The following GPHN variants were observed in gnomAD, a reference collection of about 807,000 sequenced individuals.
GPHN encodes the protein gephyrin.
GPHN carries 17 observed loss-of-function variants against 95.5 expected under a neutral mutation model. The ratio of observed to expected loss-of-function variants is 0.18; its 90% CI spans 0.12 to 0.27. The LOEUF is 0.27. GPHN is among the 10% of genes least tolerant of loss of function. The probability of loss-of-function intolerance (pLI) is 1.00; values close to 1 mark genes in which losing one functional copy is unlikely to be tolerated. For missense variants in GPHN, 660 were observed against 978.1 expected (o/e 0.67, Z 4.34); for synonymous variants, 320 against 322.5 (o/e 0.99, Z 0.08).
At chr14:67,226,360 T>G in the GPHN span, among the ~76,000 whole-genome samples, 2 of 151,198 alleles carry the variant, frequency 1.3e-5, no homozygotes, top group South Asian at 4.2e-4. Flanking sequence ...ACCAGCTAGT[T>G]TTTTTTGTTT....
chr14:67,013,335 G>T (rs995056487), intron 9 of GPHN, among the ~76,000 whole-genome samples: 2 of 151,934 alleles, frequency 1.3e-5, no homozygotes, highest in African/African-American at 2.4e-5. Flanking sequence ...AGCTTTAACC[G>T]ATCTAATTAG....
At chr14:67,294,438 C>T in the GPHN span, 3 of 151,954 alleles carry the variant, frequency 2.0e-5, no homozygotes, top group East Asian at 5.8e-4. Context: ...TCCAACTCCC[C>T]TGTTTCACAT....
chr14:66,812,783 A>G lies in GPHN; in HGVS notation c.202-11691A>G, dbSNP rs186335712. On this transcript the variant is annotated intron_variant, in intron 3 of 22. Transcript: ENST00000478722. Reference sequence around the variant, plus strand: ...ATTGGCTTTCAAACCAACAAAATTTATTCCTACTTATTTGTGTTTGGGAAG... The same window carrying G: ...ATTGGCTTTCAAACCAACAAAATTTGTTCCTACTTATTTGTGTTTGGGAAG... Among the ~76,000 whole-genome samples the G allele has an allele frequency of 3.9e-4, 60 of 152,316 alleles. 1 individual carries two copies. Among genetic ancestry groups the G allele is most frequent in the African/African-American group, 1.4e-3 (60 of 41,572 alleles).
At chr14:67,671,832 G>T in the GPHN span, among the ~76,000 whole-genome samples, 1 of 152,184 alleles carries the variant, frequency 6.6e-6, no homozygotes, top group African/African-American at 2.4e-5. Context: ...AGGCAAGCAA[G>T]AGAGGGCTGA....
the GPHN span, among the ~76,000 whole-genome samples, chr14:67,450,768 G>C: frequency 6.6e-6 from 1 of 152,196 alleles, no homozygotes; most frequent in African/African-American, 2.4e-5. Context: ...CTGACAATGC[G>C]ATAGAAAAGA....
intron 1 of GPHN, chr14:66,509,237 C>G (rs1019618342): frequency 6.5e-6 from 1 of 152,888 alleles, no homozygotes; most frequent in African/African-American, 2.4e-5. Flanking sequence ...TTCTGCCTTT[C>G]CGCGCAAAAG....
chr14:67,285,492 G>A, the GPHN span, among the ~76,000 whole-genome samples: 15 of 151,072 alleles, frequency 9.9e-5, no homozygotes, highest in South Asian at 6.3e-4. Context: ...TCAGCCTCCC[G>A]AGTAGCTGAG....
intron 17 of GPHN, among the ~76,000 whole-genome samples, chr14:67,141,933 C>T (rs1174591774): frequency 6.6e-6 from 1 of 152,230 alleles, no homozygotes; most frequent in African/African-American, 2.4e-5. Context: ...TTTGTGAGAA[C>T]ATATGCTGTC....
intron 1 of GPHN, among the ~76,000 whole-genome samples, chr14:66,608,623 CT>C (rs2062647941): frequency 6.6e-6 from 1 of 152,040 alleles, no homozygotes; most frequent in Admixed American, 6.6e-5. Context: ...CTATTGAGGT[CT>C]TTTTCTAGGT....
At chr14:67,709,971 C>A in the GPHN span, among the ~76,000 whole-genome samples, 3 of 152,190 alleles carry the variant, frequency 2.0e-5, no homozygotes, top group African/African-American at 7.2e-5. Flanking sequence ...AATTTGCCTC[C>A]TTTGGAAAGG....
chr14:66,696,946 A>C (rs1040801129), intron 2 of GPHN, among the ~76,000 whole-genome samples: 2 of 152,174 alleles, frequency 1.3e-5, no homozygotes, highest in African/African-American at 4.8e-5. Context: ...TCACTTTTTA[A>C]AAAAGTCTGA....
the GPHN span, among the ~76,000 whole-genome samples, chr14:67,283,553 G>A: frequency 6.6e-6 from 1 of 152,096 alleles, no homozygotes; most frequent in South Asian, 2.1e-4. Flanking sequence ...TTTAGCTATT[G>A]TTACAGATAT....
chr14:67,635,506 T>A, the GPHN span, among the ~76,000 whole-genome samples: 1 of 152,344 alleles, frequency 6.6e-6, no homozygotes, highest in Admixed American at 6.5e-5. Context: ...TTTAATAAGC[T>A]AGTATTTCAA....
chr14:66,571,413 A>G (rs1010849851), intron 1 of GPHN, among the ~76,000 whole-genome samples: 2 of 152,168 alleles, frequency 1.3e-5, no homozygotes, highest in African/African-American at 4.8e-5. Flanking sequence ...TATGGTTTGC[A>G]ATAATTTTCT....
chr14:67,730,098 A>G, the GPHN span, among the ~76,000 whole-genome samples: 1 of 152,288 alleles, frequency 6.6e-6, no homozygotes, highest in South Asian at 2.1e-4. Flanking sequence ...TGTGTTTGGT[A>G]CTCAGTTCTG....
intron 9 of GPHN, among the ~76,000 whole-genome samples, chr14:67,003,563 T>C (rs8016391): frequency 0.28 from 42,968 of 151,492 alleles, 10,721 homozygotes; most frequent in African/African-American, 0.65. Flanking sequence ...ACAGTACTCA[T>C]TGTAGTGGAA....
the GPHN span, among the ~76,000 whole-genome samples, chr14:67,193,223 TATATCTCTATATA>T: frequency 7.2e-6 from 1 of 139,608 alleles, no homozygotes; most frequent in African/African-American, 2.6e-5. Context: ...CATCTATCTA[TATATCTCTATATA>T]GACATCTATC....
At chr14:67,089,133 C>G (rs199593712) in intron 12 of GPHN, 58 bp downstream of exon 12, 5 of 198,572 alleles carry the variant, frequency 2.5e-5, no homozygotes, top group Non-Finnish European at 3.1e-5. Flanking sequence ...TTCTTTTTTT[C>G]TTTTTTTTTT....
At chr14:67,614,065 A>G in the GPHN span, among the ~76,000 whole-genome samples, 1 of 152,050 alleles carries the variant, frequency 6.6e-6, no homozygotes, top group African/African-American at 2.4e-5. Flanking sequence ...TTTCCTGAGT[A>G]GCTGGGTCTA....
Sources: allele counts gnomAD v4.1 joint callset (sites outside exome capture counted in the v4.1 genomes callset), GRCh38; gene constraint gnomAD v4.1.1; transcripts MANE v1.5; gene names NCBI Gene and HGNC (gene_info 2026-07-23, HGNC 2026-07-21).